CAMKV: variants seen among roughly 807,000 people sequenced by gnomAD.
The protein encoded by CAMKV is caM kinase-like vesicle-associated protein.
A neutral mutation model predicts 50.2 loss-of-function variants in CAMKV; 5 were observed. The observed-to-expected ratio is 0.10, with a 90% CI of 0.05 to 0.21. The LOEUF (loss-of-function observed/expected upper bound fraction) is 0.21. Among genes scored for constraint, CAMKV ranks in the 10% least tolerant of loss-of-function variants. CAMKV has a pLI of 1.00. For missense variants in CAMKV, 361 were observed against 650.5 expected (o/e 0.55, Z 4.84); for synonymous variants, 229 against 250.1 (o/e 0.92, Z 0.80).
Position 49,862,134 on chromosome 3 carries a change from T to C in CAMKV, c.138A>G (p.Thr46=), listed in dbSNP as rs758668898. ...ACTTCTTGCAGGTGTGCAGCTTGCC[T>C]GTCGTCTTGTCCTTGGCCCGGAAGA... is the stretch of plus-strand genomic sequence containing the variant. The part of the protein sequence containing the change: ...CEIFRAKDKT[T]GKLHTCKKFQ... The change falls in exon 3 of 11, where the codon ACA becomes ACG. Residue 46 remains threonine (T), a synonymous_variant. Coordinates refer to ENST00000477224, the MANE Select transcript of CAMKV (RefSeq NM_024046.5). The surrounding 1 kb of genome is among the most constrained non-coding windows in gnomAD (Gnocchi z 5.2). 6.2e-7 allele frequency: 1 copy of C among 1,614,210 alleles called. No homozygotes were observed. Among genetic ancestry groups the C allele is most frequent in the South Asian group, 1.1e-5 (1 of 91,084 alleles).
In CAMKV at chr3:49,862,362, G is replaced by A. The variant is rs3796386; in HGVS notation, c.27C>T (p.Gly9=). Residue 9 remains glycine (G), a synonymous_variant, in exon 2 of 11, where the codon GGC becomes GGT. Transcript: ENST00000477224. The surrounding 1 kb of genome is among the most constrained non-coding windows in gnomAD (Gnocchi z 5.2). The stretch of plus-strand genomic sequence containing the variant: ...ATGGCTGGTTATAGTTCTTCTTGTC[G>A]CCCAGAGTCACACACCCAAACGGCA... MPFGCVTL[G]DKKNYNQPSE... 617,952 of 1,613,286 alleles carry A rather than the reference G, an allele frequency of 0.38. 124,094 individuals are homozygous for A. Among genetic ancestry groups the A allele is most frequent in the Non-Finnish European group, 0.42 (499,335 of 1,179,440 alleles).
Position 49,860,873 on chromosome 3 carries a change from A to G in CAMKV, c.639-21T>C, listed in dbSNP as rs767881361. The G allele has an allele frequency of 3.7e-6, 6 of 1,614,016 alleles. 1 individual carries two copies. The highest frequency in any genetic ancestry group is 5.1e-6 in the Non-Finnish European group (6 of 1,179,948). On this transcript the variant is annotated intron_variant, in intron 7 of 10. Transcript: ENST00000477224. This position sits in a 1 kb window ranked among gnomAD's most constrained non-coding sequence, Gnocchi z 6.1. ...AAAGCCTGCATGGGGGAAGGGTCAC[A>G]CAGAAAGGCCACAGACACATGCCCC...
chr3:49,860,603 G>A lies in CAMKV; in HGVS notation c.776-54C>T. The A allele has an allele frequency of 3.7e-6, 6 of 1,611,336 alleles. No homozygotes were observed. The highest frequency in any genetic ancestry group is 5.1e-6 in the Non-Finnish European group (6 of 1,177,836). On this transcript the variant is annotated intron_variant, in intron 8 of 10. Transcript: ENST00000477224. This position sits in a 1 kb window ranked among gnomAD's most constrained non-coding sequence, Gnocchi z 6.1. ...CATGGGCACCCCATCTCAATGTCTA[G>A]AGGTGATAAATGGGCTGGGGGACAG... is the stretch of plus-strand genomic sequence containing the variant.
intron 1 of CAMKV, among the ~76,000 whole-genome samples, chr3:49,865,754 C>T (rs148336504): frequency 3.3e-5 from 5 of 152,322 alleles, no homozygotes; most frequent in Middle Eastern, 3.4e-3. Context: ...TCCTGATGCT[C>T]GAAGGCCAGA....
Sources: allele counts gnomAD v4.1 joint callset (sites outside exome capture counted in the v4.1 genomes callset), GRCh38; gene constraint gnomAD v4.1.1; non-coding constraint Gnocchi (gnomAD v3.1); transcripts MANE v1.5; gene names NCBI Gene and HGNC (gene_info 2026-07-23, HGNC 2026-07-21).